The following TET3 variants were observed in gnomAD, a reference collection of about 807,000 sequenced individuals.
TET3 encodes methylcytosine dioxygenase TET3.
A neutral mutation model predicts 141.4 loss-of-function variants in TET3; 19 were observed. The observed-to-expected ratio is 0.13, with a 90% confidence interval of 0.09 to 0.20. TET3 has a LOEUF of 0.20. Ranked by LOEUF, TET3 falls within the 10% of genes least tolerant of loss-of-function variation. TET3 has a pLI of 1.00. For synonymous variants in TET3, 1,043 were observed against 980.9 expected, an observed-to-expected ratio of 1.06 and a Z score of -1.18; for missense variants, 1,874 against 2,356.9, an observed-to-expected ratio of 0.80 and a Z score of 4.24.
At chr2:74,011,421 C>T (rs956307447) in intron 3 of TET3, among the ~76,000 whole-genome samples, 1 of 152,202 alleles carries the variant, frequency 6.6e-6, no homozygotes, top group African/African-American at 2.4e-5. Flanking sequence ...CAGGCCAGGC[C>T]ATAGTACAGT....
In TET3 at chr2:74,087,934, G is replaced by C; in HGVS notation, c.2784G>C (p.Trp928Cys). 6.4e-7 allele frequency: 1 copy of C among 1,552,892 alleles called. No individual in the cohort carries two copies. Among genetic ancestry groups the C allele is most frequent in the Non-Finnish European group, 8.7e-7 (1 of 1,147,708 alleles). Residue 928 changes from tryptophan to cysteine, a missense_variant, in exon 7 of 12, where the codon TGG becomes TGC. By Grantham distance (215) the Trp-to-Cys change is radical. Transcript: ENST00000409262. The surrounding 1 kb of genome is among the most constrained non-coding windows in gnomAD (Gnocchi z 4.3). ...NAVIVILILA[W>C]EGIPRSLGDT... The stretch of plus-strand genomic sequence containing the variant: ...TGATCGTCATCCTCATCCTGGCCTG[G>C]GAGGGCATTCCCCGTAGCCTCGGAG...
intron 2 of TET3, among the ~76,000 whole-genome samples, chr2:73,990,384 G>A (rs1199756814): frequency 6.6e-6 from 1 of 152,086 alleles, no homozygotes; most frequent in Non-Finnish European, 1.5e-5. Context: ...TTATCTCAAG[G>A]CATTCACCTC....
At chr2:74,063,506 T>A (rs1173743659) in intron 4 of TET3, among the ~76,000 whole-genome samples, 2 of 152,224 alleles carry the variant, frequency 1.3e-5, no homozygotes, top group Non-Finnish European at 2.9e-5. Context: ...CATCCTTTTT[T>A]TACGTTTAAT....
chr2:74,074,386 A>C (rs1451110503), intron 5 of TET3, among the ~76,000 whole-genome samples: 1 of 152,140 alleles, frequency 6.6e-6, no homozygotes, highest in Non-Finnish European at 1.5e-5. Flanking sequence ...CATTTTTGTT[A>C]CTGCTTAGTG....
Position 74,107,166 on chromosome 2 carries a change from C to T in TET3, c.*4990C>T, listed in dbSNP as rs576266544. ...GTCCCACATCCAGGTGCACAGAGTG[C>T]GAGTGCACTCCGCGAGTGCGGGGGG... On this transcript the variant is annotated 3_prime_UTR_variant, in exon 12 of 12. Coordinates refer to ENST00000409262, the MANE Select transcript of TET3 (RefSeq NM_001287491.2). 5.2e-5 allele frequency: 8 copies of T among 152,414 alleles called. No individual in the cohort carries two copies. The highest frequency in any genetic ancestry group is 2.1e-4 in the South Asian group (1 of 4,826). 9.4% of individuals were successfully genotyped at this position (152,414 alleles called of 1,614,324 possible).
intron 2 of TET3, among the ~76,000 whole-genome samples, chr2:73,996,565 A>G (rs184525010): frequency 7.6e-4 from 116 of 152,182 alleles, no homozygotes; most frequent in South Asian, 1.7e-3. Context: ...TTGGAGTGCA[A>G]TGGCATGATC....
intron 3 of TET3, among the ~76,000 whole-genome samples, chr2:74,043,627 A>G (rs1239659997): frequency 2.6e-5 from 4 of 152,222 alleles, no homozygotes; most frequent in Non-Finnish European, 5.9e-5. Context: ...CATTCCAGGC[A>G]ATGAGAACTG....
rs552893253 is a variant in TET3, at chr2:74,029,032, G to A, written c.361-17246G>A. Among the ~76,000 whole-genome samples, 5 of 152,260 alleles carry A rather than the reference G, an allele frequency of 3.3e-5. No individual in the cohort carries two copies. The East Asian group carries it at 7.7e-4, about 23-fold the overall frequency. On this transcript the variant is annotated intron_variant, in intron 3 of 11. Coordinates refer to ENST00000409262, the MANE Select transcript of TET3 (RefSeq NM_001287491.2). ...TGTTTGTAGAACCATGGGCCTTAGG[G>A]GGTCTCATGATTGTTACCTTGGGGT...
chr2:74,120,129 T>A, the TET3 span, among the ~76,000 whole-genome samples: 10 of 152,156 alleles, frequency 6.6e-5, no homozygotes, highest in Admixed American at 6.5e-4. Flanking sequence ...GACCTCCAGG[T>A]TCTTCCCTGG....
intron 3 of TET3, among the ~76,000 whole-genome samples, chr2:74,037,233 G>A (rs1202388450): frequency 6.6e-6 from 1 of 152,164 alleles, no homozygotes; most frequent in Non-Finnish European, 1.5e-5. Context: ...TTCTGCACTC[G>A]CTTATTAGTT....
rs377353644 is a variant in TET3 at position 74,047,761 on chromosome 2, G to A, written c.1844G>A (p.Arg615Gln). ...KPIQIKKSRP[R>Q]EAQPLFPPVR... The stretch of plus-strand genomic sequence containing the variant: ...ATTCAGATCAAGAAGTCCAGGCCCC[G>A]GGAAGCACAGCCCCTCTTCCCACCT... Residue 615 changes from arginine (R) to glutamine (Q), a missense_variant, in exon 4 of 12, where the codon CGG (arginine) becomes CAG (glutamine). Arg to Gln is a conservative substitution (Grantham distance 43). Around this residue, in one of 10 missense-constraint regions of TET3, gnomAD observed 484 missense variants for 462.2 expected, o/e 1.05. Coordinates refer to ENST00000409262, the MANE Select transcript of TET3 (RefSeq NM_001287491.2). The A allele has an allele frequency of 1.3e-5, 21 of 1,613,530 alleles. No homozygotes were observed. The highest frequency in any genetic ancestry group is 1.6e-4 in the Middle Eastern group (1 of 6,084).
the TET3 span, among the ~76,000 whole-genome samples, chr2:74,129,104 G>A: frequency 6.6e-6 from 1 of 150,554 alleles, no homozygotes. Context: ...GAGGTCGTGA[G>A]TTTAAGAACA....
At chr2:74,091,243 G>A (rs1330896252) in intron 8 of TET3, among the ~76,000 whole-genome samples, 1 of 152,104 alleles carries the variant, frequency 6.6e-6, no homozygotes, top group East Asian at 1.9e-4. Context: ...ATGGAGCCCT[G>A]GGGCTACCAG....
chr2:73,994,198 A>G (rs1341411558), intron 2 of TET3, among the ~76,000 whole-genome samples: 1 of 152,210 alleles, frequency 6.6e-6, no homozygotes, highest in African/African-American at 2.4e-5. Context: ...ACTCTAAAAA[A>G]GAATGTTGAC....
At chr2:74,116,772 C>A in the TET3 span, among the ~76,000 whole-genome samples, 1 of 149,888 alleles carries the variant, frequency 6.7e-6, no homozygotes, top group Non-Finnish European at 1.5e-5. Context: ...AAAGAACAAA[C>A]AAAAAGATTA....
chr2:74,019,536 G>C (rs1476174081), intron 3 of TET3, among the ~76,000 whole-genome samples: 1 of 152,168 alleles, frequency 6.6e-6, no homozygotes, highest in Non-Finnish European at 1.5e-5. Context: ...TGAGTTCCCA[G>C]TGGTGGGGTG....
intron 3 of TET3, among the ~76,000 whole-genome samples, chr2:74,018,872 G>T (rs1685877319): frequency 6.6e-6 from 1 of 152,058 alleles, no homozygotes; most frequent in African/African-American, 2.4e-5. Flanking sequence ...GGGGAGAATA[G>T]ATAGCTTTAC....
intron 3 of TET3, among the ~76,000 whole-genome samples, chr2:74,011,947 A>AT (rs989677044): frequency 6.6e-6 from 1 of 151,444 alleles, no homozygotes; most frequent in African/African-American, 2.4e-5. Flanking sequence ...CCAGTTAGTC[A>AT]TTTTTTTGTT....
chr2:74,042,143 T>C (rs1162809739), intron 3 of TET3, among the ~76,000 whole-genome samples: 1 of 152,228 alleles, frequency 6.6e-6, no homozygotes, highest in Non-Finnish European at 1.5e-5. Context: ...ATTTAACCAG[T>C]GGTGAACCGG....
Sources: gnomAD v4.1 joint callset for allele counts (sites outside exome capture counted in the v4.1 genomes callset) on GRCh38, gnomAD v4.1.1 for gene constraint, gnomAD v4.1.1 regional missense constraint, Gnocchi (gnomAD v3.1) non-coding constraint, MANE v1.5 for transcripts, NCBI Gene and HGNC (gene_info 2026-07-23, HGNC 2026-07-21) for gene names.